The following HELLS variants were observed in gnomAD, a reference collection of about 807,000 sequenced individuals.
The protein encoded by HELLS is lymphoid-specific helicase.
Under a neutral mutation model 120.0 loss-of-function variants are expected in HELLS, and 32 were observed. The ratio of observed to expected loss-of-function variants is 0.27; its 90% CI spans 0.20 to 0.36. HELLS has a LOEUF of 0.36. HELLS is among the 10% of genes least tolerant of loss of function. The probability of loss-of-function intolerance (pLI) is 1.00; values close to 1 mark genes in which losing one functional copy is unlikely to be tolerated. For missense variants in HELLS, 650 were observed against 993.4 expected (o/e 0.65, Z 4.65); for synonymous variants, 341 against 323.4 (o/e 1.05, Z -0.58).
At chr10:94,586,552 T>C (rs190727304) in intron 12 of HELLS, among the ~76,000 whole-genome samples, 51 of 152,360 alleles carry the variant, frequency 3.3e-4, no homozygotes, top group Non-Finnish European at 5.9e-4. Context: ...CTGTCTATGA[T>C]TAGCTCTATA....
At chr10:94,562,295 C>T (rs1843597015) in intron 4 of HELLS, among the ~76,000 whole-genome samples, 1 of 152,030 alleles carries the variant, frequency 6.6e-6, no homozygotes, top group Non-Finnish European at 1.5e-5. Flanking sequence ...CCCCACTACT[C>T]TGGAGGCTGA....
At position 94,564,369 on chromosome 10, in the gene HELLS, C is replaced by T. The variant is rs528715506; in HGVS notation, c.435+1493C>T. On this transcript the variant is annotated intron_variant, in intron 6 of 21. Coordinates refer to ENST00000348459, the MANE Select transcript of HELLS (RefSeq NM_018063.5). ...AAGATGGTACCAGCTCTTTGTTAAACGAGTCTGAGCCTGGCCTAGTCAGAA... is the reference window on the plus strand; with the variant it reads ...AAGATGGTACCAGCTCTTTGTTAAATGAGTCTGAGCCTGGCCTAGTCAGAA... 5.9e-5 allele frequency among the ~76,000 whole-genome samples: 9 copies of T among 152,260 alleles called. No homozygotes were observed. In the South Asian group the frequency reaches 8.3e-4, roughly 14 times the overall value.
intron 21 of HELLS, among the ~76,000 whole-genome samples, chr10:94,598,577 T>C (rs897749501): frequency 1.3e-5 from 2 of 151,758 alleles, no homozygotes; most frequent in Non-Finnish European, 2.9e-5. Flanking sequence ...TGTGTCTTAT[T>C]GAATCAAAAT....
intron 10 of HELLS, among the ~76,000 whole-genome samples, chr10:94,579,905 C>A (rs1844738470): frequency 6.6e-6 from 1 of 151,798 alleles, no homozygotes; most frequent in Non-Finnish European, 1.5e-5. Flanking sequence ...ATTTCCTTTG[C>A]CAGTGGCTAG....
Position 94,580,181 on chromosome 10 carries a change from ACACAT to A in HELLS, c.1033-1144_1033-1140del, listed in dbSNP as rs1246243765. On this transcript the variant is annotated intron_variant, in intron 10 of 21. Transcript: ENST00000348459. ...TATATATACACACACACACACACAC[ACACAT>A]TTTTTTTTTTTTTTTTTTGAGACAG... Among the ~76,000 whole-genome samples, 352 of 102,920 alleles carry A rather than the reference ACACAT, an allele frequency of 3.4e-3. 9 individuals are homozygous for A. Among genetic ancestry groups the A allele is most frequent in the African/African-American group, 0.013 (340 of 25,728 alleles). 67.5% of individuals were successfully genotyped at this position (102,920 alleles called of 152,430 possible).
downstream of HELLS, among the ~76,000 whole-genome samples, chr10:94,605,072 T>TGC (rs1846113354): frequency 1.5e-5 from 1 of 66,830 alleles, no homozygotes; most frequent in African/African-American, 7.5e-5. Context: ...GTCTTGTGTC[T>TGC]CCCCCCCCCC....
intron 19 of HELLS, among the ~76,000 whole-genome samples, chr10:94,596,291 C>T (rs996147620): frequency 6.6e-6 from 1 of 152,120 alleles, no homozygotes; most frequent in African/African-American, 2.4e-5. Flanking sequence ...TAACTATCAT[C>T]GAGATCAAGG....
intron 12 of HELLS, among the ~76,000 whole-genome samples, chr10:94,586,278 G>A (rs1359670770): frequency 1.3e-5 from 2 of 151,892 alleles, no homozygotes; most frequent in Admixed American, 6.6e-5. Flanking sequence ...CTGCCACTAC[G>A]CCTGGCTAAT....
At chr10:94,558,995 A>G (rs767407557) in intron 4 of HELLS, among the ~76,000 whole-genome samples, 40 of 152,164 alleles carry the variant, frequency 2.6e-4, no homozygotes, top group East Asian at 5.8e-4. Context: ...ATAAAGAACA[A>G]TCATATTCAA....
intron 8 of HELLS, among the ~76,000 whole-genome samples, chr10:94,607,659 T>G (rs567443096): frequency 6.6e-6 from 1 of 152,318 alleles, no homozygotes; most frequent in African/African-American, 2.4e-5. Flanking sequence ...TGTGATGAAA[T>G]CTTTCATCAA....
At position 94,583,132 on chromosome 10, in the gene HELLS, T is replaced by C. The variant is rs192762177; in HGVS notation, c.1326+73T>C. The C allele has an allele frequency of 9.8e-4, 698 of 713,438 alleles. 4 individuals are homozygous for C. The African/African-American group carries it at 0.012, about 12-fold the overall frequency. 44.2% of individuals were successfully genotyped at this position (713,438 alleles called of 1,614,324 possible). On this transcript the variant is annotated intron_variant, in intron 12 of 21. Coordinates refer to ENST00000348459, the MANE Select transcript of HELLS (RefSeq NM_018063.5). ...TAAAAGGAACTCTGGAGATCACCTG[T>C]CTAACCCTTTGTAGTAGAGATTTGA...
intron 2 of HELLS, among the ~76,000 whole-genome samples, chr10:94,547,317 A>G (rs1409657014): frequency 2.0e-5 from 3 of 152,198 alleles, no homozygotes; most frequent in Non-Finnish European, 4.4e-5. Context: ...TCATTTACAA[A>G]TGAAGAAACT....
chr10:94,545,860 T>G lies in HELLS; in HGVS notation c.-62T>G. ...CTGGGCCGGCAGCGGTTGTGAGGAG[T>G]TAGCTCGCGGCATTGCAGGCTCTGA... On this transcript the variant is annotated 5_prime_UTR_variant, in exon 1 of 22. Transcript: ENST00000348459. 6.5e-7 allele frequency: 1 copy of G among 1,532,382 alleles called. No individual in the cohort carries two copies. Among genetic ancestry groups the G allele is most frequent in the Non-Finnish European group, 8.9e-7 (1 of 1,129,436 alleles). The allele number at this position is 1,532,382 out of a possible 1,614,324, so 94.9% of individuals were successfully genotyped here.
chr10:94,609,047 G>A (rs1420133140), intron 9 of HELLS, among the ~76,000 whole-genome samples: 1 of 98,220 alleles, frequency 1.0e-5, no homozygotes, highest in Non-Finnish European at 1.9e-5. Context: ...TTTTGAGATG[G>A]AGTTTCGCTC....
Position 94,584,104 on chromosome 10 carries a change from C to T in HELLS, c.1326+1045C>T, listed in dbSNP as rs903360654. 19 of 1,381,346 alleles carry T rather than the reference C, an allele frequency of 1.4e-5. No individual in the cohort carries two copies. The African/African-American group carries it at 2.6e-4, about 19-fold the overall frequency. 85.6% of individuals were successfully genotyped at this position (1,381,346 alleles called of 1,614,324 possible). A position where few individuals can be genotyped will look rare whatever the true frequency, so the allele number is the denominator to read the frequency against. ...GTCCATATGAAAATACTTATTTACTCAAGCTTCATACCAATTTTGAGGTTA... is the reference window on the plus strand; with the variant it reads ...GTCCATATGAAAATACTTATTTACTTAAGCTTCATACCAATTTTGAGGTTA... On this transcript the variant is annotated intron_variant, in intron 12 of 21. Coordinates refer to ENST00000348459, the MANE Select transcript of HELLS (RefSeq NM_018063.5).
intron 17 of HELLS, among the ~76,000 whole-genome samples, chr10:94,593,230 T>G (rs1845578486): frequency 6.6e-6 from 1 of 152,226 alleles, no homozygotes; most frequent in Non-Finnish European, 1.5e-5. Flanking sequence ...ACTACAATTT[T>G]TTCATCATTT....
Position 94,576,025 on chromosome 10 carries a change from G to A in HELLS, c.889-637G>A, listed in dbSNP as rs867962735. Among the ~76,000 whole-genome samples, 6 of 152,176 alleles carry A rather than the reference G, an allele frequency of 3.9e-5. No homozygotes were observed. The South Asian group carries it at 6.2e-4, about 16-fold the overall frequency. Reference sequence around the variant, plus strand: ...TTGGTCAGGCTGGTCTGGAACTCCCGACCTCAGGTGGTCTGCCCGCCTCAG... The same window carrying A: ...TTGGTCAGGCTGGTCTGGAACTCCCAACCTCAGGTGGTCTGCCCGCCTCAG... On this transcript the variant is annotated intron_variant, in intron 9 of 21. Transcript: ENST00000348459.
chr10:94,552,479 C>T (rs1843031868), intron 2 of HELLS, among the ~76,000 whole-genome samples: 1 of 152,130 alleles, frequency 6.6e-6, no homozygotes, highest in African/African-American at 2.4e-5. Flanking sequence ...TTTAGTAATT[C>T]TTACAATTTT....
In HELLS at chr10:94,546,495, A is replaced by G. The variant is rs778310379; in HGVS notation, c.150A>G (p.Glu50=). Residue 50 remains glutamate, a synonymous_variant, in exon 2 of 22, where the codon GAA becomes GAG. Coordinates refer to ENST00000348459, the MANE Select transcript of HELLS (RefSeq NM_018063.5). ...TAGAGAGAGAGCGGAAGATGCTGGA[A>G]AAGGTAATTTAGGCATCAGGTTCGT... is the stretch of plus-strand genomic sequence containing the variant. The part of the protein sequence containing the change: ...AGLERERKML[E]KARMSWDRES... 30 of 1,614,050 alleles carry G rather than the reference A, an allele frequency of 1.9e-5. No individual in the cohort carries two copies. The highest frequency in any genetic ancestry group is 2.5e-5 in the Non-Finnish European group (29 of 1,180,022).
Sources: gnomAD v4.1 joint callset for allele counts (sites outside exome capture counted in the v4.1 genomes callset) on GRCh38, gnomAD v4.1.1 for gene constraint, MANE v1.5 for transcripts, NCBI Gene and HGNC (gene_info 2026-07-23, HGNC 2026-07-21) for gene names.